The following CADM2 variants were observed in gnomAD, a reference collection of about 807,000 sequenced individuals.
The protein encoded by CADM2 is immunoglobulin superfamily member 4D.
In CADM2, 12 loss-of-function variants were observed where a neutral mutation model predicts 49.8. The ratio of observed to expected loss-of-function variants is 0.24; its 90% CI spans 0.15 to 0.39. CADM2 has a LOEUF of 0.39. CADM2 is among the 10% of genes least tolerant of loss of function. The pLI is 1.00. For synonymous variants in CADM2, 214 were observed against 175.4 expected, an observed-to-expected ratio of 1.22 and a Z score of -1.74; for missense variants, 378 against 492.3, an observed-to-expected ratio of 0.77 and a Z score of 2.20.
intron 1 of CADM2, among the ~76,000 whole-genome samples, chr3:85,411,876 C>T (rs1316953594): frequency 6.6e-6 from 1 of 152,074 alleles, no homozygotes; most frequent in Non-Finnish European, 1.5e-5. Context: ...CTCAATCTTT[C>T]ACCCAAGCTG....
At chr3:85,600,723 CT>C (rs1361459334) in intron 1 of CADM2, among the ~76,000 whole-genome samples, 1 of 151,398 alleles carries the variant, frequency 6.6e-6, no homozygotes, top group Non-Finnish European at 1.5e-5. Context: ...ACAAAAATGG[CT>C]TTTGAATCAG....
intron 1 of CADM2, among the ~76,000 whole-genome samples, chr3:85,319,561 A>C (rs1335307788): frequency 6.6e-6 from 1 of 152,236 alleles, no homozygotes; most frequent in African/African-American, 2.4e-5. Context: ...CATCAATGGC[A>C]GATCGGATAA....
chr3:85,807,644 A>T (rs2072534628), intron 3 of CADM2, among the ~76,000 whole-genome samples: 1 of 152,050 alleles, frequency 6.6e-6, no homozygotes, highest in Non-Finnish European at 1.5e-5. Context: ...TTTAAATTTA[A>T]ATTAATAAAA....
At chr3:85,286,464 C>G (rs188973868) in intron 1 of CADM2, among the ~76,000 whole-genome samples, 1 of 152,212 alleles carries the variant, frequency 6.6e-6, no homozygotes, top group Admixed American at 6.5e-5. Context: ...TAGTTTGATT[C>G]AAATTTGGCA....
At chr3:85,315,111 T>C (rs1199683986) in intron 1 of CADM2, among the ~76,000 whole-genome samples, 1 of 152,170 alleles carries the variant, frequency 6.6e-6, no homozygotes, top group Non-Finnish European at 1.5e-5. Context: ...CTTGCAGATA[T>C]GTCACTCCAA....
intron 1 of CADM2, among the ~76,000 whole-genome samples, chr3:85,537,599 T>C (rs2107008206): frequency 6.6e-6 from 1 of 151,028 alleles, no homozygotes; most frequent in East Asian, 2.0e-4. Flanking sequence ...TTGGTGATTG[T>C]AGATTATGCT....
At chr3:85,152,717 G>T (rs2039964965) in intron 1 of CADM2, among the ~76,000 whole-genome samples, 2 of 152,104 alleles carry the variant, frequency 1.3e-5, no homozygotes, top group African/African-American at 2.4e-5. Context: ...CAGCACTTTG[G>T]GAGTCTGAGG....
At chr3:85,555,912 TAGAG>T (rs1318182834) in intron 1 of CADM2, among the ~76,000 whole-genome samples, 2 of 152,114 alleles carry the variant, frequency 1.3e-5, no homozygotes, top group Non-Finnish European at 2.9e-5. Flanking sequence ...AACTAAAACC[TAGAG>T]TGAGTCATGG....
At chr3:85,507,503 C>CA (rs1180654905) in intron 1 of CADM2, among the ~76,000 whole-genome samples, 17 of 151,932 alleles carry the variant, frequency 1.1e-4, no homozygotes, top group South Asian at 2.1e-4. Context: ...TAAACGACAA[C>CA]AAAAAAATAC....
At chr3:85,823,998 A>T (rs1258506555) in intron 3 of CADM2, among the ~76,000 whole-genome samples, 1 of 152,154 alleles carries the variant, frequency 6.6e-6, no homozygotes, top group African/African-American at 2.4e-5. Context: ...TTGCTTCAAA[A>T]GGTGACAGAA....
At chr3:85,973,359 C>A (rs1726387623) in intron 8 of CADM2, among the ~76,000 whole-genome samples, 2 of 151,856 alleles carry the variant, frequency 1.3e-5, no homozygotes, top group Middle Eastern at 6.8e-3. Context: ...GCCTGGGCAA[C>A]ATAGCAAGAC....
chr3:85,455,577 A>G (rs141805487), intron 1 of CADM2, among the ~76,000 whole-genome samples: 2,197 of 152,320 alleles, frequency 0.014, 30 homozygotes, highest in South Asian at 0.034. Flanking sequence ...CTTCCAACAG[A>G]AACTAATTTA....
intron 3 of CADM2, among the ~76,000 whole-genome samples, chr3:85,821,580 G>T (rs1209529354): frequency 1.3e-5 from 2 of 152,102 alleles, no homozygotes; most frequent in Non-Finnish European, 2.9e-5. Flanking sequence ...TACACAAGAA[G>T]TTAGGGTATA....
At chr3:85,984,710 G>A (rs1727885772) in intron 8 of CADM2, among the ~76,000 whole-genome samples, 1 of 151,842 alleles carries the variant, frequency 6.6e-6, no homozygotes. Flanking sequence ...ACATTTCAAT[G>A]TACCAGATAG....
intron 3 of CADM2, among the ~76,000 whole-genome samples, chr3:85,877,130 G>A (rs1274526342): frequency 3.3e-5 from 5 of 152,052 alleles, no homozygotes; most frequent in African/African-American, 7.2e-5. Context: ...CCACCGGTGG[G>A]TAGCAGGCAA....
intron 8 of CADM2, among the ~76,000 whole-genome samples, chr3:86,055,562 G>A (rs183731668): frequency 7.5e-5 from 11 of 146,376 alleles, no homozygotes; most frequent in Non-Finnish European, 1.6e-4. Context: ...TGCCTCCTGG[G>A]TTCCAGAGAT....
chr3:85,173,157 G>C (rs971876616), intron 1 of CADM2, among the ~76,000 whole-genome samples: 1 of 150,698 alleles, frequency 6.6e-6, no homozygotes, highest in Non-Finnish European at 1.5e-5. Flanking sequence ...ACCATGCCTG[G>C]CTAATTTTTT....
chr3:85,240,896 T>A (rs754607863), intron 1 of CADM2, among the ~76,000 whole-genome samples: 6 of 151,556 alleles, frequency 4.0e-5, no homozygotes, highest in Non-Finnish European at 8.9e-5. Context: ...GTAGATGTAA[T>A]ATTTTGATAC....
intron 5 of CADM2, among the ~76,000 whole-genome samples, chr3:85,897,200 ATGTTTC>A (rs1715329283): frequency 7.4e-6 from 1 of 134,668 alleles, no homozygotes; most frequent in Non-Finnish European, 1.6e-5. Flanking sequence ...AGCATTATTA[ATGTTTC>A]TGAGAATTAC....
Sources: allele counts gnomAD v4.1 joint callset (sites outside exome capture counted in the v4.1 genomes callset), GRCh38; gene constraint gnomAD v4.1.1; transcripts MANE v1.5; gene names NCBI Gene and HGNC (gene_info 2026-07-23, HGNC 2026-07-21).